CPA6: variants seen among roughly 807,000 people sequenced by gnomAD.
The protein encoded by CPA6 is carboxypeptidase A6.
In CPA6, 58 loss-of-function variants were observed where a neutral mutation model predicts 63.3. That is an observed-to-expected ratio of 0.92 (90% CI 0.74 to 1.14). The LOEUF (loss-of-function observed/expected upper bound fraction) is 1.14, where lower values mean the gene tolerates loss of function less well. Among genes scored for constraint, CPA6 ranks in the 50% most tolerant of loss-of-function variants. CPA6 has a pLI of 0.00. For synonymous variants in CPA6, 185 were observed against 179.0 expected, an observed-to-expected ratio of 1.03 and a Z score of -0.27; for missense variants, 565 against 526.6, an observed-to-expected ratio of 1.07 and a Z score of -0.71.
chr8:67,716,928 G>C (rs1817394732), intron 1 of CPA6, among the ~76,000 whole-genome samples: 1 of 152,180 alleles, frequency 6.6e-6, no homozygotes, highest in Non-Finnish European at 1.5e-5. Context: ...ATAGTTAGCA[G>C]CATACCATTC....
intron 2 of CPA6, among the ~76,000 whole-genome samples, chr8:67,535,320 C>T (rs1056778162): frequency 1.3e-5 from 2 of 152,196 alleles, no homozygotes; most frequent in Non-Finnish European, 2.9e-5. Flanking sequence ...TACACTTCCA[C>T]CAATAGTGTA....
chr8:67,723,868 A>G (rs1587730029), intron 1 of CPA6, among the ~76,000 whole-genome samples: 1 of 152,196 alleles, frequency 6.6e-6, no homozygotes, highest in Non-Finnish European at 1.5e-5. Context: ...TAAACAAGCT[A>G]AAACTAAATA....
intron 2 of CPA6, among the ~76,000 whole-genome samples, chr8:67,536,315 T>C (rs1441802326): frequency 4.6e-5 from 7 of 152,246 alleles, no homozygotes; most frequent in Non-Finnish European, 1.0e-4. Context: ...ATATTGATTC[T>C]TCCTATCCAT....
chr8:67,577,687 A>G (rs1011681810), intron 2 of CPA6, among the ~76,000 whole-genome samples: 1 of 152,200 alleles, frequency 6.6e-6, no homozygotes, highest in Non-Finnish European at 1.5e-5. Flanking sequence ...CCTGCTGCCT[A>G]AATTAAGCAG....
chr8:67,617,274 T>A (rs1230483209), intron 2 of CPA6, among the ~76,000 whole-genome samples: 1 of 152,250 alleles, frequency 6.6e-6, no homozygotes, highest in Non-Finnish European at 1.5e-5. Flanking sequence ...TTTCTCTTAA[T>A]ATGTATTTGT....
rs571402042 is a variant in CPA6 at position 67,466,042 on chromosome 8, T to C, written c.838+17726A>G. The stretch of plus-strand genomic sequence containing the variant: ...TCAGTAGAATTGGTACCAGCTCTTC[T>C]TCTGGCAGAATGTAGCTGTGGATTC... On this transcript the variant is annotated intron_variant, in intron 8 of 10. Coordinates refer to ENST00000297770, the MANE Select transcript of CPA6 (RefSeq NM_020361.5). 2.0e-5 allele frequency among the ~76,000 whole-genome samples: 3 copies of C among 152,104 alleles called. No homozygotes were observed. In the South Asian group the frequency reaches 6.2e-4, roughly 32 times the overall value.
chr8:67,641,612 T>C (rs1319955488), intron 1 of CPA6, among the ~76,000 whole-genome samples: 2 of 152,246 alleles, frequency 1.3e-5, no homozygotes, highest in Non-Finnish European at 2.9e-5. Flanking sequence ...GAGTCTATTC[T>C]GTTTCTAATC....
intron 8 of CPA6, among the ~76,000 whole-genome samples, chr8:67,440,341 C>T (rs749478223): frequency 8.6e-5 from 13 of 151,994 alleles, no homozygotes; most frequent in African/African-American, 2.2e-4. Context: ...GAGGCTGAAG[C>T]GGGCGGATCA....
chr8:67,423,419 G>T (rs1809812617), intron 10 of CPA6, among the ~76,000 whole-genome samples: 1 of 152,148 alleles, frequency 6.6e-6, no homozygotes, highest in South Asian at 2.1e-4. Flanking sequence ...ACCTCCCTGT[G>T]TTTCCACTCC....
At chr8:67,474,607 C>T (rs375423255) in intron 8 of CPA6, among the ~76,000 whole-genome samples, 11 of 152,128 alleles carry the variant, frequency 7.2e-5, no homozygotes, top group African/African-American at 2.7e-4. Context: ...GCCCATAATG[C>T]ACACTACTGA....
chr8:67,469,011 A>G (rs1202842746), intron 8 of CPA6, among the ~76,000 whole-genome samples: 1 of 152,154 alleles, frequency 6.6e-6, no homozygotes, highest in Non-Finnish European at 1.5e-5. Context: ...TGTCAAATAC[A>G]TTCTTAATTT....
intron 1 of CPA6, among the ~76,000 whole-genome samples, chr8:67,624,530 A>G (rs963575376): frequency 6.6e-6 from 1 of 152,278 alleles, no homozygotes; most frequent in African/African-American, 2.4e-5. Flanking sequence ...AAGAGTGGCA[A>G]CGAGGGACAG....
chr8:67,529,584 G>A (rs979433767), intron 2 of CPA6, among the ~76,000 whole-genome samples: 1 of 152,156 alleles, frequency 6.6e-6, no homozygotes, highest in Non-Finnish European at 1.5e-5. Flanking sequence ...TTAAAACAGA[G>A]GGATTTTTAA....
chr8:67,678,047 C>A (rs1310416862), intron 1 of CPA6, among the ~76,000 whole-genome samples: 6 of 151,964 alleles, frequency 3.9e-5, no homozygotes, highest in Non-Finnish European at 8.8e-5. Context: ...ACCGGCCTGG[C>A]CAAAACCCTG....
intron 7 of CPA6, among the ~76,000 whole-genome samples, chr8:67,484,074 C>CTT (rs11320694): frequency 1.6e-4 from 24 of 146,598 alleles, no homozygotes; most frequent in South Asian, 6.5e-4. Context: ...TTTGCCTTCT[C>CTT]TTTTTTTTTT....
intron 1 of CPA6, among the ~76,000 whole-genome samples, chr8:67,651,883 C>T (rs1251223067): frequency 6.6e-6 from 1 of 151,776 alleles, no homozygotes; most frequent in Non-Finnish European, 1.5e-5. Context: ...CTAAAGCTAT[C>T]CCTCCCCCCT....
At chr8:67,673,164 T>G (rs2128994660) in intron 1 of CPA6, among the ~76,000 whole-genome samples, 1 of 152,174 alleles carries the variant, frequency 6.6e-6, no homozygotes, top group South Asian at 2.1e-4. Context: ...GTCTAAATTC[T>G]TTGGATCTTG....
chr8:67,624,345 TAAG>T, intron 1 of CPA6, 94 bp from the exon 2 acceptor site: 1 of 628,802 alleles, frequency 1.6e-6, no homozygotes, highest in Non-Finnish European at 2.7e-6. Flanking sequence ...CCTCTGCATT[TAAG>T]AAGAAAAACA....
At position 67,475,872 on chromosome 8, in the gene CPA6, TTTCTTTCTCCTTTCTTTCTTTC is replaced by T. The variant is rs1563967930; in HGVS notation, c.838+7874_838+7895del. On this transcript the variant is annotated intron_variant, in intron 8 of 10. Transcript: ENST00000297770. The stretch of plus-strand genomic sequence containing the variant: ...CTTTCTTTCTTTCTTTCTTTCTTTC[TTTCTTTCTCCTTTCTTTCTTTC>T]TTTCTTTCTTTCTTTCTTTCTTTCT... 5.0e-4 allele frequency among the ~76,000 whole-genome samples: 45 copies of T among 90,452 alleles called. 1 individual carries two copies. Among genetic ancestry groups the T allele is most frequent in the Middle Eastern group, 4.9e-3 (1 of 204 alleles). 59.3% of individuals were successfully genotyped at this position (90,452 alleles called of 152,430 possible).
Sources: gnomAD v4.1 joint callset for allele counts (sites outside exome capture counted in the v4.1 genomes callset) on GRCh38, gnomAD v4.1.1 for gene constraint, MANE v1.5 for transcripts, NCBI Gene and HGNC (gene_info 2026-07-23, HGNC 2026-07-21) for gene names.